Variants in TNFSF4 observed in about 807,000 individuals in gnomAD.
TNFSF4 encodes TNF superfamily member 4.
TNFSF4 carries 4 observed loss-of-function variants against 7.3 expected under a neutral mutation model. The observed-to-expected ratio is 0.55, with a 90% CI of 0.27 to 1.25. TNFSF4 has a LOEUF of 1.25. Among genes scored for constraint, TNFSF4 ranks in the 50% most tolerant of loss-of-function variants. The pLI, the probability that TNFSF4 is intolerant of heterozygous loss-of-function variation, is 0.12. For synonymous variants in TNFSF4, 76 were observed against 83.7 expected, an observed-to-expected ratio of 0.91 and a Z score of 0.50; for missense variants, 181 against 208.8, an observed-to-expected ratio of 0.87 and a Z score of 0.82.
At chr1:173,398,902 A>C in the TNFSF4 span, among the ~76,000 whole-genome samples, 5 of 152,206 alleles carry the variant, frequency 3.3e-5, no homozygotes, top group African/African-American at 9.6e-5. Context: ...GTGTTGCTCC[A>C]GACCAATTAA....
the TNFSF4 span, among the ~76,000 whole-genome samples, chr1:173,338,878 T>G: frequency 6.6e-6 from 1 of 152,118 alleles, no homozygotes; most frequent in South Asian, 2.1e-4. Context: ...GAAGTTACAG[T>G]GCTGGCTGGG....
rs558013256 is a variant in TNFSF4 at position 173,194,073 on chromosome 1, C to G, written c.154-5504G>C. 4.6e-5 allele frequency among the ~76,000 whole-genome samples: 7 copies of G among 152,338 alleles called. No homozygotes were observed. In the South Asian group the frequency reaches 1.5e-3, roughly 32 times the overall value. ...AACCAAGGTTCAGATTTAAAAATCA[C>G]TGCTGTTAACTATGAACTTCCAAAA... On this transcript the variant is annotated intron_variant, in intron 1 of 2. Transcript: ENST00000281834.
At chr1:173,428,313 G>A in the TNFSF4 span, among the ~76,000 whole-genome samples, 1 of 152,140 alleles carries the variant, frequency 6.6e-6, no homozygotes, top group African/African-American at 2.4e-5. Flanking sequence ...GTTATGAGGG[G>A]CATGACTGTA....
At chr1:173,345,861 T>A in the TNFSF4 span, among the ~76,000 whole-genome samples, 14 of 152,184 alleles carry the variant, frequency 9.2e-5, no homozygotes, top group South Asian at 8.3e-4. Flanking sequence ...GGCCACCAGA[T>A]GGAGGAAGAC....
At chr1:173,329,337 T>C in the TNFSF4 span, among the ~76,000 whole-genome samples, 1 of 152,184 alleles carries the variant, frequency 6.6e-6, no homozygotes, top group Non-Finnish European at 1.5e-5. Context: ...ATGGAAATTT[T>C]ATGTAAATAC....
the TNFSF4 span, among the ~76,000 whole-genome samples, chr1:173,356,314 T>C: frequency 4.7e-4 from 71 of 152,282 alleles, no homozygotes; most frequent in African/African-American, 1.5e-3. Context: ...TCCATTTTGA[T>C]GAGAAGGGGT....
At chr1:173,246,263 C>A in the TNFSF4 span, among the ~76,000 whole-genome samples, 1 of 152,016 alleles carries the variant, frequency 6.6e-6, no homozygotes, top group Non-Finnish European at 1.5e-5. Context: ...TGGTTTTAAG[C>A]CCCATATGCA....
At chr1:173,430,131 G>A in the TNFSF4 span, among the ~76,000 whole-genome samples, 2 of 152,286 alleles carry the variant, frequency 1.3e-5, no homozygotes, top group Non-Finnish European at 1.5e-5. Context: ...AGCAGCCTAC[G>A]CAATGGAACG....
the TNFSF4 span, among the ~76,000 whole-genome samples, chr1:173,275,182 G>T: frequency 6.6e-6 from 1 of 152,072 alleles, no homozygotes; most frequent in Non-Finnish European, 1.5e-5. Flanking sequence ...TTGTCCCTAA[G>T]TCCCATCAGG....
chr1:173,280,199 C>T, the TNFSF4 span, among the ~76,000 whole-genome samples: 32,388 of 152,028 alleles, frequency 0.21, 3,781 homozygotes, highest in Admixed American at 0.32. Flanking sequence ...ACCACTGTCT[C>T]CCATGTCTAC....
chr1:173,177,899 A>C, the TNFSF4 span, among the ~76,000 whole-genome samples: 2 of 152,242 alleles, frequency 1.3e-5, no homozygotes, highest in Non-Finnish European at 2.9e-5. Context: ...ACATTAAAGA[A>C]GTTCTCATGG....
At chr1:173,367,944 C>T in the TNFSF4 span, among the ~76,000 whole-genome samples, 1 of 152,110 alleles carries the variant, frequency 6.6e-6, no homozygotes, top group South Asian at 2.1e-4. Context: ...TTGTAAGAGG[C>T]ACCAATCAGC....
chr1:173,268,760 T>C, the TNFSF4 span, among the ~76,000 whole-genome samples: 2 of 152,034 alleles, frequency 1.3e-5, no homozygotes, highest in Admixed American at 1.3e-4. Context: ...AAACATGACA[T>C]AGGTTGGATG....
At chr1:173,370,702 G>A in the TNFSF4 span, among the ~76,000 whole-genome samples, 1 of 152,122 alleles carries the variant, frequency 6.6e-6, no homozygotes, top group South Asian at 2.1e-4. Context: ...AAAATCTGGA[G>A]GCGTTATTAA....
the TNFSF4 span, among the ~76,000 whole-genome samples, chr1:173,402,842 T>C: frequency 6.6e-6 from 1 of 151,110 alleles, no homozygotes; most frequent in Non-Finnish European, 1.5e-5. Context: ...AGGTGAGGCC[T>C]GAGAATTTGC....
At chr1:173,279,915 T>C in the TNFSF4 span, among the ~76,000 whole-genome samples, 1 of 152,146 alleles carries the variant, frequency 6.6e-6, no homozygotes, top group African/African-American at 2.4e-5. Flanking sequence ...CTTCATTATT[T>C]TAGAATAATT....
the TNFSF4 span, among the ~76,000 whole-genome samples, chr1:173,439,535 T>C: frequency 1.3e-5 from 2 of 152,188 alleles, no homozygotes; most frequent in African/African-American, 4.8e-5. Context: ...AGAGAGTGAA[T>C]GCCCTGAGTG....
chr1:173,362,344 G>T, the TNFSF4 span: 7 of 267,612 alleles, frequency 2.6e-5, no homozygotes, highest in Non-Finnish European at 5.1e-5. Flanking sequence ...TGACAATTGT[G>T]TATACAGTTC....
At chr1:173,348,424 T>C in the TNFSF4 span, among the ~76,000 whole-genome samples, 18 of 152,228 alleles carry the variant, frequency 1.2e-4, no homozygotes, top group African/African-American at 3.4e-4. Flanking sequence ...TAAACTTCTT[T>C]CTTTTGTAAA....
Sources: gnomAD v4.1 joint callset for allele counts (sites outside exome capture counted in the v4.1 genomes callset) on GRCh38, gnomAD v4.1.1 for gene constraint, MANE v1.5 for transcripts, NCBI Gene and HGNC (gene_info 2026-07-23, HGNC 2026-07-21) for gene names.